The following GRIN2A variants were observed in gnomAD, a reference collection of about 807,000 sequenced individuals.
GRIN2A encodes the protein glutamate ionotropic receptor NMDA type subunit 2A, also known as glutamate receptor ionotropic, NMDA 2A.
In GRIN2A, 22 loss-of-function variants were observed where a neutral mutation model predicts 113.4. The observed-to-expected ratio is 0.19, with a 90% CI of 0.14 to 0.28. GRIN2A has a LOEUF of 0.28. Among genes scored for constraint, GRIN2A ranks in the 10% least tolerant of loss-of-function variants. The pLI, the probability that GRIN2A is intolerant of heterozygous loss-of-function variation, is 1.00. For missense variants in GRIN2A, 1,502 were observed against 1,887.0 expected (o/e 0.80, Z 3.78); for synonymous variants, 827 against 738.4 (o/e 1.12, Z -1.94).
intron 10 of GRIN2A, among the ~76,000 whole-genome samples, chr16:9,812,119 T>C (rs1012869515): frequency 2.6e-5 from 4 of 152,324 alleles, no homozygotes; most frequent in East Asian, 1.9e-4. Flanking sequence ...TCATATTTTT[T>C]ATTTTTTTTA....
chr16:9,915,593 G>C (rs1344855615), intron 3 of GRIN2A, among the ~76,000 whole-genome samples: 1 of 151,964 alleles, frequency 6.6e-6, no homozygotes, highest in African/African-American at 2.4e-5. Flanking sequence ...GTAAGAGATG[G>C]GACTCACAAC....
chr16:10,065,480 T>C (rs1316200658), intron 2 of GRIN2A, among the ~76,000 whole-genome samples: 1 of 152,262 alleles, frequency 6.6e-6, no homozygotes, highest in Admixed American at 6.5e-5. Flanking sequence ...TCAGAATTCA[T>C]CCTTTCATAA....
At chr16:9,911,297 G>C (rs545307802) in intron 3 of GRIN2A, among the ~76,000 whole-genome samples, 20 of 152,158 alleles carry the variant, frequency 1.3e-4, no homozygotes, top group African/African-American at 4.6e-4. Context: ...GACCAGCTTG[G>C]GTAACATAGA....
At chr16:10,094,323 G>C (rs2048242436) in intron 2 of GRIN2A, among the ~76,000 whole-genome samples, 1 of 152,176 alleles carries the variant, frequency 6.6e-6, no homozygotes, top group Admixed American at 6.5e-5. Context: ...CCTGCTGTGT[G>C]ACTTTGAGCT....
chr16:10,110,903 C>T (rs141634880), intron 2 of GRIN2A, among the ~76,000 whole-genome samples: 5 of 152,276 alleles, frequency 3.3e-5, no homozygotes, highest in African/African-American at 7.2e-5. Flanking sequence ...TGACTTCAGA[C>T]GAGTAAGAAG....
In GRIN2A at chr16:9,758,253, T is replaced by G; in HGVS notation, c.*4896A>C. 1 of 222,818 alleles carries G rather than the reference T, an allele frequency of 4.5e-6. No homozygotes were observed. The highest frequency in any genetic ancestry group is 9.0e-6 in the Non-Finnish European group (1 of 111,356). The allele number at this position is 222,818 out of a possible 1,614,324, so 13.8% of individuals were successfully genotyped here. A position where few individuals can be genotyped will look rare whatever the true frequency, so the allele number is the denominator to read the frequency against. Reference sequence around the variant, plus strand: ...AGGTGAGGAAAGAGGATAAGGAATTTAAATAGGAAATCTATGCCCTTTGAT... The same window carrying G: ...AGGTGAGGAAAGAGGATAAGGAATTGAAATAGGAAATCTATGCCCTTTGAT... On this transcript the variant is annotated 3_prime_UTR_variant, in exon 13 of 13. Coordinates refer to ENST00000330684, the MANE Select transcript of GRIN2A (RefSeq NM_001134407.3).
At chr16:10,140,496 A>G (rs1056434121) in intron 2 of GRIN2A, among the ~76,000 whole-genome samples, 3 of 152,156 alleles carry the variant, frequency 2.0e-5, no homozygotes, top group Admixed American at 2.0e-4. Flanking sequence ...TTTTTCTATT[A>G]TAATTCAAAT....
chr16:9,993,575 T>A (rs2046168535), intron 2 of GRIN2A, among the ~76,000 whole-genome samples: 1 of 152,224 alleles, frequency 6.6e-6, no homozygotes, highest in South Asian at 2.1e-4. Context: ...AAATAAATAA[T>A]AAATAAATCT....
intron 2 of GRIN2A, among the ~76,000 whole-genome samples, chr16:10,048,641 A>G (rs1005138100): frequency 2.6e-5 from 4 of 152,172 alleles, no homozygotes; most frequent in African/African-American, 9.7e-5. Context: ...GTCTCCAAAC[A>G]CTAACATAGC....
At chr16:9,871,655 T>A (rs1026054933) in intron 4 of GRIN2A, among the ~76,000 whole-genome samples, 1 of 152,198 alleles carries the variant, frequency 6.6e-6, no homozygotes, top group Non-Finnish European at 1.5e-5. Flanking sequence ...ACTTCTCTGG[T>A]CCTCATTTTT....
At chr16:9,963,531 G>A (rs1213558494) in intron 2 of GRIN2A, among the ~76,000 whole-genome samples, 1 of 151,916 alleles carries the variant, frequency 6.6e-6, no homozygotes, top group Non-Finnish European at 1.5e-5. Context: ...AACATGTGGT[G>A]TTAAACAATT....
chr16:9,815,980 A>G (rs1325576333), intron 10 of GRIN2A, among the ~76,000 whole-genome samples: 3 of 152,262 alleles, frequency 2.0e-5, no homozygotes, highest in Non-Finnish European at 4.4e-5. Context: ...ATGGATGAAC[A>G]TTATGGTAAG....
chr16:10,042,707 C>T (rs565681968), intron 2 of GRIN2A, among the ~76,000 whole-genome samples: 2 of 152,280 alleles, frequency 1.3e-5, no homozygotes, highest in African/African-American at 2.4e-5. Context: ...GACCCAATCC[C>T]GGACAATGAT....
At chr16:10,029,949 A>G (rs2141921422) in intron 2 of GRIN2A, among the ~76,000 whole-genome samples, 1 of 152,254 alleles carries the variant, frequency 6.6e-6, no homozygotes, top group African/African-American at 2.4e-5. Flanking sequence ...GTGAGCTGAG[A>G]TTGCACTACT....
At chr16:9,832,332 G>A (rs561081373) in intron 8 of GRIN2A, among the ~76,000 whole-genome samples, 1 of 152,084 alleles carries the variant, frequency 6.6e-6, no homozygotes, top group African/African-American at 2.4e-5. Context: ...TGAAATGACT[G>A]TAACTGTTTT....
chr16:10,172,673 G>T (rs1338595811), intron 2 of GRIN2A, among the ~76,000 whole-genome samples: 1 of 152,206 alleles, frequency 6.6e-6, no homozygotes, highest in Middle Eastern at 3.2e-3. Flanking sequence ...AGGGGGAATC[G>T]GGGCCAGTAT....
At chr16:9,986,260 T>C (rs749367315) in intron 2 of GRIN2A, among the ~76,000 whole-genome samples, 17 of 152,038 alleles carry the variant, frequency 1.1e-4, no homozygotes, top group Admixed American at 9.8e-4. Flanking sequence ...TGTCATAACA[T>C]GATGAACTGA....
chr16:9,840,288 C>G (rs1309283245), intron 7 of GRIN2A, among the ~76,000 whole-genome samples: 1 of 151,954 alleles, frequency 6.6e-6, no homozygotes, highest in Non-Finnish European at 1.5e-5. Flanking sequence ...GGGGGAAGAG[C>G]CCCTTATTAA....
At chr16:9,892,029 G>A (rs2043704616) in intron 3 of GRIN2A, among the ~76,000 whole-genome samples, 1 of 152,080 alleles carries the variant, frequency 6.6e-6, no homozygotes. Flanking sequence ...AGGAGTTCGA[G>A]ACCAGCCTGA....
Sources: allele counts gnomAD v4.1 joint callset (sites outside exome capture counted in the v4.1 genomes callset), GRCh38; gene constraint gnomAD v4.1.1; transcripts MANE v1.5; gene names NCBI Gene and HGNC (gene_info 2026-07-23, HGNC 2026-07-21).